The following FOXP2 variants were observed in gnomAD, a reference collection of about 807,000 sequenced individuals.
FOXP2 encodes forkhead box P2, also known as forkhead box protein P2.
Under a neutral mutation model 115.8 loss-of-function variants are expected in FOXP2, and 12 were observed. The observed-to-expected ratio is 0.10, with a 90% CI of 0.07 to 0.17. The LOEUF (loss-of-function observed/expected upper bound fraction) is 0.17, where lower values mean the gene tolerates loss of function less well. Ranked by LOEUF, FOXP2 falls within the 10% of genes least tolerant of loss-of-function variation. FOXP2 has a pLI of 1.00. For missense variants in FOXP2, 629 were observed against 843.5 expected, an observed-to-expected ratio of 0.75 and a Z score of 3.15; for synonymous variants, 328 against 297.7, an observed-to-expected ratio of 1.10 and a Z score of -1.05.
intron 1 of FOXP2, among the ~76,000 whole-genome samples, chr7:114,171,539 A>G (rs1221333569): frequency 6.6e-6 from 1 of 152,164 alleles, no homozygotes; most frequent in African/African-American, 2.4e-5. Context: ...GTACTACTAC[A>G]GCAGCCTTGG....
intron 3 of FOXP2, among the ~76,000 whole-genome samples, chr7:114,585,178 C>A (rs1464168198): frequency 1.3e-5 from 2 of 152,110 alleles, no homozygotes; most frequent in African/African-American, 4.8e-5. Flanking sequence ...AATAGTGAGA[C>A]ATTAAGGAAT....
chr7:114,510,234 G>A (rs929912854), intron 2 of FOXP2, among the ~76,000 whole-genome samples: 1 of 152,078 alleles, frequency 6.6e-6, no homozygotes, highest in Non-Finnish European at 1.5e-5. Flanking sequence ...CAGTGTAATT[G>A]AGCTGTCCTG....
At chr7:114,439,964 G>T (rs1454094942) in intron 2 of FOXP2, among the ~76,000 whole-genome samples, 3 of 152,118 alleles carry the variant, frequency 2.0e-5, no homozygotes, top group African/African-American at 4.8e-5. Context: ...TTACATAATA[G>T]ATCCTCTCAC....
chr7:114,117,885 C>G (rs1317629012), intron 1 of FOXP2, among the ~76,000 whole-genome samples: 1 of 152,262 alleles, frequency 6.6e-6, no homozygotes, highest in East Asian at 1.9e-4. Flanking sequence ...ATTGTATCCT[C>G]ACATGGCGAA....
chr7:114,450,952 G>A lies in FOXP2; in HGVS notation c.168+24273G>A, dbSNP rs137886782. On this transcript the variant is annotated intron_variant, in intron 2 of 16. Transcript: ENST00000350908. ...TTGGTTTAATTTTTTAAAGATACAC[G>A]TATAATTTTGATACAAAGATATTTT... 3.3e-3 allele frequency among the ~76,000 whole-genome samples: 506 copies of A among 151,992 alleles called. 5 individuals are homozygous for A. The highest frequency in any genetic ancestry group is 0.011 in the African/African-American group (450 of 41,494).
intron 2 of FOXP2, among the ~76,000 whole-genome samples, chr7:114,390,493 G>C (rs781401293): frequency 1.5e-5 from 2 of 132,686 alleles, no homozygotes; most frequent in African/African-American, 5.4e-5. Context: ...TACATGTTTT[G>C]TTTGGCACCA....
intron 1 of FOXP2, among the ~76,000 whole-genome samples, chr7:114,101,395 T>C (rs1790952687): frequency 6.6e-6 from 1 of 152,150 alleles, no homozygotes; most frequent in Non-Finnish European, 1.5e-5. Flanking sequence ...AATAGTAAGT[T>C]GATTTACTCC....
intron 1 of FOXP2, among the ~76,000 whole-genome samples, chr7:114,146,255 C>T (rs558896983): frequency 5.9e-5 from 9 of 152,254 alleles, no homozygotes; most frequent in African/African-American, 1.7e-4. Flanking sequence ...TGAGCAGTAG[C>T]GTATAAATAA....
chr7:114,595,301 C>G (rs1349975971), intron 3 of FOXP2, among the ~76,000 whole-genome samples: 1 of 152,038 alleles, frequency 6.6e-6, no homozygotes, highest in East Asian at 1.9e-4. Context: ...ATTAATTTTC[C>G]TATTTTCTAG....
At chr7:114,457,780 C>T (rs1795378042) in intron 2 of FOXP2, among the ~76,000 whole-genome samples, 1 of 151,966 alleles carries the variant, frequency 6.6e-6, no homozygotes, top group Non-Finnish European at 1.5e-5. Context: ...TGCCTGTAGT[C>T]CCAGCTATTG....
intron 3 of FOXP2, among the ~76,000 whole-genome samples, chr7:114,565,374 G>GA (rs1215716605): frequency 1.3e-5 from 2 of 151,974 alleles, no homozygotes; most frequent in Non-Finnish European, 2.9e-5. Flanking sequence ...CTAAAAGAAG[G>GA]AAAAAATACC....
At chr7:114,564,597 T>C (rs1438560005) in intron 3 of FOXP2, among the ~76,000 whole-genome samples, 1 of 152,050 alleles carries the variant, frequency 6.6e-6, no homozygotes, top group Non-Finnish European at 1.5e-5. Context: ...TCTAGAAATA[T>C]GACCAGGTGT....
intron 1 of FOXP2, among the ~76,000 whole-genome samples, chr7:114,146,059 T>C (rs1024704634): frequency 6.6e-6 from 1 of 152,214 alleles, no homozygotes; most frequent in African/African-American, 2.4e-5. Context: ...TAACCAAAGA[T>C]TAAGGTAAAG....
intron 1 of FOXP2, among the ~76,000 whole-genome samples, chr7:114,272,317 T>A (rs1796084790): frequency 6.6e-6 from 1 of 151,588 alleles, no homozygotes; most frequent in South Asian, 2.1e-4. Flanking sequence ...CAATTTGTGT[T>A]CCTGAGAGAG....
upstream of FOXP2, among the ~76,000 whole-genome samples, chr7:114,160,456 A>G (rs1792798149): frequency 6.6e-6 from 1 of 152,142 alleles, no homozygotes; most frequent in Non-Finnish European, 1.5e-5. Flanking sequence ...ATTCATTGAC[A>G]TATATACTCT....
At chr7:114,422,018 A>G (rs1793645097) in intron 1 of FOXP2, among the ~76,000 whole-genome samples, 1 of 151,780 alleles carries the variant, frequency 6.6e-6, no homozygotes, top group East Asian at 1.9e-4. Context: ...TTTTCTTAAT[A>G]TTTAACTCTT....
At position 114,570,056 on chromosome 7, in the gene FOXP2, G is replaced by T. The variant is rs79278757; in HGVS notation, c.258+35350G>T. On this transcript the variant is annotated intron_variant, in intron 3 of 16. Transcript: ENST00000350908. Reference sequence around the variant, plus strand: ...TATTCAAATGCAGTGTAATCCTTTTGCCCTTCAGACAAAATCTTTGAAATG... The same window carrying T: ...TATTCAAATGCAGTGTAATCCTTTTTCCCTTCAGACAAAATCTTTGAAATG... Among the ~76,000 whole-genome samples the T allele has an allele frequency of 3.2e-3, 481 of 151,902 alleles. 10 individuals are homozygous for T. The East Asian group carries it at 0.06, about 19-fold the overall frequency.
intron 1 of FOXP2, among the ~76,000 whole-genome samples, chr7:114,418,068 C>A (rs1015189275): frequency 6.6e-6 from 1 of 151,844 alleles, no homozygotes; most frequent in Non-Finnish European, 1.5e-5. Context: ...AACAACAAGG[C>A]GTTATACTCA....
At chr7:114,459,993 T>G (rs1406657731) in intron 2 of FOXP2, among the ~76,000 whole-genome samples, 1 of 152,224 alleles carries the variant, frequency 6.6e-6, no homozygotes, top group Non-Finnish European at 1.5e-5. Context: ...TGCCCAAGTT[T>G]TTTTTAGTAT....
Sources: allele counts gnomAD v4.1 joint callset (sites outside exome capture counted in the v4.1 genomes callset), GRCh38; gene constraint gnomAD v4.1.1; transcripts MANE v1.5; gene names NCBI Gene and HGNC (gene_info 2026-07-23, HGNC 2026-07-21).